ASCC3: variants seen among roughly 807,000 people sequenced by gnomAD.
ASCC3 encodes the protein activating signal cointegrator 1 complex subunit 3, also known as ASC-1 complex subunit P200.
A neutral mutation model predicts 256.3 loss-of-function variants in ASCC3; 158 were observed. The ratio of observed to expected loss-of-function variants is 0.62; its 90% CI spans 0.54 to 0.70. The LOEUF (loss-of-function observed/expected upper bound fraction) is 0.70, where lower values mean the gene tolerates loss of function less well. Among genes scored for constraint, ASCC3 ranks in the 30% least tolerant of loss-of-function variants. ASCC3 has a pLI of 0.00. For missense variants in ASCC3, 2,259 were observed against 2,626.0 expected (o/e 0.86, Z 3.05); for synonymous variants, 948 against 883.4 (o/e 1.07, Z -1.30).
rs772906080 is a variant in ASCC3 at position 100,848,515 on chromosome 6, T to C, written c.434A>G (p.Asp145Gly). ...NRIISHFSQD[D>G]LTALVQMTEK... ...TGTCATCTGCACAAGAGCAGTAAGA[T>C]CATCTTGACTAAAATGAGAAATAAT... Residue 145 changes from aspartate to glycine, a missense_variant, in exon 4 of 42, where the codon GAT (aspartate) becomes GGT (glycine). Around this residue, in one of 2 missense-constraint regions of ASCC3, gnomAD observed 420 missense variants for 419.3 expected, o/e 1.00. Transcript: ENST00000369162. 6.2e-7 allele frequency: 1 copy of C among 1,614,088 alleles called. No individual in the cohort carries two copies. The highest frequency in any genetic ancestry group is 8.5e-7 in the Non-Finnish European group (1 of 1,180,010).
At chr6:100,620,928 C>T (rs1447117294) in intron 30 of ASCC3, among the ~76,000 whole-genome samples, 1 of 152,164 alleles carries the variant, frequency 6.6e-6, no homozygotes, top group Non-Finnish European at 1.5e-5. Flanking sequence ...TTATAGTATG[C>T]TTCAGTATAA....
intron 36 of ASCC3, among the ~76,000 whole-genome samples, chr6:100,551,537 G>T (rs758254645): frequency 6.6e-6 from 1 of 151,740 alleles, no homozygotes; most frequent in East Asian, 1.9e-4. Flanking sequence ...TCTTAAAAAG[G>T]CTTAATATTA....
In ASCC3 at chr6:100,589,719, T is replaced by C. The variant is rs565351738; in HGVS notation, c.5465A>G (p.Tyr1822Cys). ...TTTAACTGTTTGATGCTTCAAATAG[T>C]AATAGGAGGCAATTCGGCCATAAGT... is the stretch of plus-strand genomic sequence containing the variant. The part of the protein sequence containing the change: ...PLTYGRIASY[Y>C]YLKHQTVKMF... Residue 1822 changes from tyrosine to cysteine, a missense_variant, in exon 36 of 42, where the codon TAC (tyrosine) becomes TGC (cysteine). By Grantham distance (194) the Tyr-to-Cys change is radical. This residue lies in a region of ASCC3 where 1,839 missense variants were observed against 2,206.7 expected (regional missense o/e 0.83). Coordinates refer to ENST00000369162, the MANE Select transcript of ASCC3 (RefSeq NM_006828.4). 1.4e-5 allele frequency: 23 copies of C among 1,613,830 alleles called. No homozygotes were observed. The highest frequency in any genetic ancestry group is 1.9e-5 in the Non-Finnish European group (23 of 1,179,834).
chr6:100,633,122 G>C (rs889266698), intron 25 of ASCC3, among the ~76,000 whole-genome samples: 10 of 152,150 alleles, frequency 6.6e-5, no homozygotes, highest in African/African-American at 2.2e-4. Context: ...ATTACTTGTA[G>C]TCAATTGTGG....
chr6:100,783,341 C>T (rs1782533881), intron 8 of ASCC3, among the ~76,000 whole-genome samples: 2 of 152,152 alleles, frequency 1.3e-5, no homozygotes, highest in Non-Finnish European at 2.9e-5. Context: ...GTTCTTTCTA[C>T]CTCCAATATT....
At chr6:100,610,786 T>C (rs1773353560) in intron 30 of ASCC3, among the ~76,000 whole-genome samples, 1 of 152,138 alleles carries the variant, frequency 6.6e-6, no homozygotes, top group South Asian at 2.1e-4. Flanking sequence ...ATGCATGATA[T>C]AAGGAAAGGT....
intron 8 of ASCC3, among the ~76,000 whole-genome samples, chr6:100,793,696 G>A (rs2114313487): frequency 6.6e-6 from 1 of 151,884 alleles, no homozygotes; most frequent in East Asian, 1.9e-4. Context: ...CTTAATACAA[G>A]CCTAGCCTCA....
intron 36 of ASCC3, among the ~76,000 whole-genome samples, chr6:100,543,462 T>C (rs987499221): frequency 6.6e-6 from 1 of 152,110 alleles, no homozygotes; most frequent in Non-Finnish European, 1.5e-5. Flanking sequence ...TGTGTAGATA[T>C]GTATATATTA....
At chr6:100,789,799 C>A (rs202015811) in intron 8 of ASCC3, among the ~76,000 whole-genome samples, 2 of 151,818 alleles carry the variant, frequency 1.3e-5, no homozygotes, top group East Asian at 3.9e-4. Context: ...GATATTGTAC[C>A]GATGGCTTAA....
chr6:100,568,636 A>G (rs1465018419), intron 36 of ASCC3, among the ~76,000 whole-genome samples: 1 of 151,472 alleles, frequency 6.6e-6, no homozygotes, highest in Non-Finnish European at 1.5e-5. Context: ...TATTTTCTGT[A>G]GGTTGTCTGT....
Position 100,759,189 on chromosome 6 carries a change from G to A in ASCC3, c.1737+7376C>T, listed in dbSNP as rs529579064. On this transcript the variant is annotated intron_variant, in intron 10 of 41. Coordinates refer to ENST00000369162, the MANE Select transcript of ASCC3 (RefSeq NM_006828.4). ...AAAATTTTCTCCCATTCTGTAGGTT[G>A]CCTGTTTACTCTGATGATAGTTTCT... Among the ~76,000 whole-genome samples the A allele has an allele frequency of 5.5e-4, 83 of 152,250 alleles. 1 individual carries two copies. Among genetic ancestry groups the A allele is most frequent in the African/African-American group, 1.9e-3 (77 of 41,552 alleles).
chr6:100,863,248 G>T (rs1773312576), intron 3 of ASCC3, among the ~76,000 whole-genome samples: 1 of 152,066 alleles, frequency 6.6e-6, no homozygotes, highest in African/African-American at 2.4e-5. Context: ...TTTAGCCTTA[G>T]GAAAGTAACC....
intron 8 of ASCC3, among the ~76,000 whole-genome samples, chr6:100,778,994 T>C (rs1389239680): frequency 6.6e-6 from 1 of 152,144 alleles, no homozygotes; most frequent in Admixed American, 6.6e-5. Flanking sequence ...AACATAAATA[T>C]ATAATTAGTA....
chr6:100,552,902 T>C (rs1769373949), intron 36 of ASCC3, among the ~76,000 whole-genome samples: 1 of 151,988 alleles, frequency 6.6e-6, no homozygotes, highest in Non-Finnish European at 1.5e-5. Flanking sequence ...TCTTTTCCTT[T>C]TGGAGATGAT....
At chr6:100,832,121 A>G (rs1485321752) in intron 4 of ASCC3, among the ~76,000 whole-genome samples, 1 of 152,168 alleles carries the variant, frequency 6.6e-6, no homozygotes, top group Non-Finnish European at 1.5e-5. Context: ...AAGACTAGAA[A>G]GAATGACAGA....
intron 36 of ASCC3, among the ~76,000 whole-genome samples, chr6:100,543,528 C>T (rs1775566471): frequency 6.6e-6 from 1 of 151,978 alleles, no homozygotes; most frequent in Non-Finnish European, 1.5e-5. Context: ...ATATACTATG[C>T]TAACAGTAGT....
At position 100,845,437 on chromosome 6, in the gene ASCC3, C is replaced by T. The variant is rs548066610; in HGVS notation, c.801+2711G>A. Among the ~76,000 whole-genome samples, 137 of 152,214 alleles carry T rather than the reference C, an allele frequency of 9.0e-4. 1 individual carries two copies. The highest frequency in any genetic ancestry group is 3.1e-3 in the African/African-American group (128 of 41,558). On this transcript the variant is annotated intron_variant, in intron 4 of 41. Coordinates refer to ENST00000369162, the MANE Select transcript of ASCC3 (RefSeq NM_006828.4). ...ATTTTGTTAGATTTTCTTATGTTTG[C>T]TTTAGTATGCTATTTTTAAAAAAAT...
chr6:100,621,270 G>T (rs1773937902), intron 30 of ASCC3, among the ~76,000 whole-genome samples: 1 of 152,016 alleles, frequency 6.6e-6, no homozygotes. Flanking sequence ...ATTTCTAGCT[G>T]TCCTATTTTA....
chr6:100,654,267 A>T (rs1226409479), intron 17 of ASCC3, among the ~76,000 whole-genome samples: 1 of 151,804 alleles, frequency 6.6e-6, no homozygotes, highest in Admixed American at 6.6e-5. Context: ...TGTGGCCACA[A>T]ATTTGTATTG....
Sources: gnomAD v4.1 joint callset for allele counts (sites outside exome capture counted in the v4.1 genomes callset) on GRCh38, gnomAD v4.1.1 for gene constraint, gnomAD v4.1.1 regional missense constraint, MANE v1.5 for transcripts, NCBI Gene and HGNC (gene_info 2026-07-23, HGNC 2026-07-21) for gene names.